BRIX1: variants seen among roughly 807,000 people sequenced by gnomAD.
BRIX1 encodes the protein biogenesis of ribosomes BRX1, also known as ribosome biogenesis protein BRX1 homolog.
Under a neutral mutation model 44.0 loss-of-function variants are expected in BRIX1, and 15 were observed. The observed-to-expected ratio is 0.34, with a 90% CI of 0.23 to 0.53. BRIX1 has a LOEUF of 0.53. Ranked by LOEUF, BRIX1 falls within the 20% of genes least tolerant of loss-of-function variation. The pLI, the probability that BRIX1 is intolerant of heterozygous loss-of-function variation, is 0.95. For synonymous variants in BRIX1, 149 were observed against 135.4 expected (o/e 1.10, Z -0.70); for missense variants, 420 against 432.8 (o/e 0.97, Z 0.26).
intron 3 of BRIX1, chr5:34,921,424 A>T (rs1232379999): frequency 1.3e-5 from 2 of 152,250 alleles, no homozygotes; most frequent in Non-Finnish European, 2.9e-5. Flanking sequence ...AGAATCAAAA[A>T]GCTAAAAAGT....
chr5:34,923,059 T>C lies in BRIX1; in HGVS notation c.561+8T>C. The C allele has an allele frequency of 6.4e-7, 1 of 1,558,912 alleles. No homozygotes were observed. On this transcript the variant is annotated splice_region_variant and intron_variant, in intron 7 of 9. Coordinates refer to ENST00000336767, the MANE Select transcript of BRIX1 (RefSeq NM_018321.4). ...AAAGAACTCTTAATTCAGGTAAATA[T>C]CTTTAAAATTAGCTATCCAAAATAT...
intron 8 of BRIX1, 83 bp from the exon 9 acceptor site, chr5:34,924,764 A>G (rs544911465): frequency 2.5e-6 from 2 of 805,986 alleles, no homozygotes; most frequent in African/African-American, 1.7e-5. Context: ...TATTTCAGGC[A>G]CATTTATAAT....
At position 34,924,836 on chromosome 5, in the gene BRIX1, T is replaced by A. The variant is rs750308462; in HGVS notation, c.664-11T>A. Reference sequence around the variant, plus strand: ...ACCAAACCAAAATGAAATGTTTCCTTTTTATTAAAGATCATAGAAGAAGAT... The same window carrying A: ...ACCAAACCAAAATGAAATGTTTCCTATTTATTAAAGATCATAGAAGAAGAT... On this transcript the variant is annotated splice_polypyrimidine_tract_variant and intron_variant, in intron 8 of 9. Coordinates refer to ENST00000336767, the MANE Select transcript of BRIX1 (RefSeq NM_018321.4). 2 of 1,587,158 alleles carry A rather than the reference T, an allele frequency of 1.3e-6. No individual in the cohort carries two copies. The highest frequency in any genetic ancestry group is 1.7e-5 in the Admixed American group (1 of 59,480).
intron 2 of BRIX1, among the ~76,000 whole-genome samples, chr5:34,919,576 A>C (rs1764196572): frequency 1.3e-5 from 2 of 152,140 alleles, no homozygotes; most frequent in African/African-American, 4.8e-5. Context: ...GGATTCCTAG[A>C]ATACCTAAAT....
At position 34,915,837 on chromosome 5, in the gene BRIX1, C is replaced by T; in HGVS notation, c.99C>T (p.His33=). 1 of 1,570,566 alleles carries T rather than the reference C, an allele frequency of 6.4e-7. No homozygotes were observed. The highest frequency in any genetic ancestry group is 8.6e-7 in the Non-Finnish European group (1 of 1,157,656). The part of the protein sequence containing the change: ...EIDAEPPAKR[H]ATAEEVEEEE... ...ATGCGGAGCCGCCAGCTAAGCGGCACGCCACAGCAGAGGAGGTGGAGGAAG... is the reference window on the plus strand; with the variant it reads ...ATGCGGAGCCGCCAGCTAAGCGGCATGCCACAGCAGAGGAGGTGGAGGAAG... Residue 33 remains histidine (H), a synonymous_variant, in exon 1 of 10, where the codon CAC becomes CAT. Transcript: ENST00000336767.
intron 6 of BRIX1, 102 bp from the exon 7 acceptor site, chr5:34,922,899 A>G: frequency 8.2e-7 from 1 of 1,214,222 alleles, no homozygotes; most frequent in Non-Finnish European, 1.2e-6. Context: ...TCTTTCAGGT[A>G]CATTTATAAT....
chr5:34,925,229 C>A lies in BRIX1; in HGVS notation c.796C>A (p.Arg266=). 2.0e-6 allele frequency: 3 copies of A among 1,511,198 alleles called. No individual in the cohort carries two copies. The highest frequency in any genetic ancestry group is 1.8e-6 in the Non-Finnish European group (2 of 1,131,956). 93.6% of individuals were successfully genotyped at this position (1,511,198 alleles called of 1,614,324 possible). Residue 266 remains arginine, a synonymous_variant, in exon 10 of 10, where the codon CGG becomes AGG. Coordinates refer to ENST00000336767, the MANE Select transcript of BRIX1 (RefSeq NM_018321.4). ...AATCTTTTTTTTTTTTTTTTAGCATCGGCGTGTCATAAGATCCATCACAGC... is the reference window on the plus strand; with the variant it reads ...AATCTTTTTTTTTTTTTTTTAGCATAGGCGTGTCATAAGATCCATCACAGC... ...NPHYQSPNMH[R]RVIRSITAAK...
At chr5:34,922,121 AT>A in intron 3 of BRIX1, 95 bp from the exon 4 acceptor site, 1 of 647,050 alleles carries the variant, frequency 1.5e-6, no homozygotes, top group Non-Finnish European at 2.6e-6. Context: ...CTGGTTAGGT[AT>A]TTTTGAGATA....
intron 1 of BRIX1, chr5:34,916,712 A>AACT (rs1764105370): frequency 6.6e-6 from 1 of 152,166 alleles, no homozygotes; most frequent in Non-Finnish European, 1.5e-5. Context: ...TTAGCATAGT[A>AACT]CTCTAGCGCG....
intron 2 of BRIX1, among the ~76,000 whole-genome samples, chr5:34,919,162 G>A (rs1340689979): frequency 2.0e-5 from 3 of 149,656 alleles, no homozygotes; most frequent in Non-Finnish European, 4.4e-5. Flanking sequence ...TGCAGTCCCA[G>A]CTACTCAGGA....
At chr5:34,922,109 G>A (rs1561172695) in intron 3 of BRIX1, 108 bp from the exon 4 acceptor site, 1 of 589,630 alleles carries the variant, frequency 1.7e-6, no homozygotes. Flanking sequence ...TAGCCTATTA[G>A]CCTGGTTAGG....
rs1384354550 is a variant in BRIX1, at chr5:34,924,954, T to A, written c.771T>A (p.Pro257=). The stretch of plus-strand genomic sequence containing the variant: ...GAGGACCAACTTTATATGAAAATCC[T>A]CACTACCAGTCACCAAACATGGTAA... ...SFGGPTLYEN[P]HYQSPNMHRR... is the part of the protein sequence containing the mutation. The change falls in exon 9 of 10, where the codon CCT becomes CCA. Residue 257 remains proline (P), a synonymous_variant. Transcript: ENST00000336767. The A allele has an allele frequency of 6.2e-7, 1 of 1,613,372 alleles. No homozygotes were observed. Among genetic ancestry groups the A allele is most frequent in the Non-Finnish European group, 8.5e-7 (1 of 1,179,754 alleles).
chr5:34,923,892 G>A (rs187170011), intron 8 of BRIX1, among the ~76,000 whole-genome samples: 4 of 152,186 alleles, frequency 2.6e-5, no homozygotes, highest in African/African-American at 9.6e-5. Context: ...TACAGAGTAT[G>A]GATTTCCTAA....
intron 1 of BRIX1, among the ~76,000 whole-genome samples, chr5:34,917,413 C>A (rs1465484287): frequency 1.3e-5 from 2 of 151,912 alleles, no homozygotes. Context: ...GCGGGTGGAT[C>A]ACTAGGTCAG....
chr5:34,923,739 C>T (rs935575542), intron 8 of BRIX1, among the ~76,000 whole-genome samples: 3 of 152,288 alleles, frequency 2.0e-5, no homozygotes, highest in Non-Finnish European at 2.9e-5. Flanking sequence ...TAAGGATATA[C>T]AGGGTTTGCA....
At chr5:34,918,339 C>G (rs761166212) in intron 1 of BRIX1, 25 bp from the exon 2 acceptor site, 3 of 1,212,046 alleles carry the variant, frequency 2.5e-6, no homozygotes, top group African/African-American at 3.0e-5. Flanking sequence ...ATTTTAAAAT[C>G]TTTTAACATT....
At chr5:34,922,900 C>T in intron 6 of BRIX1, 101 bp from the exon 7 acceptor site, 1 of 1,215,682 alleles carries the variant, frequency 8.2e-7, no homozygotes, top group Non-Finnish European at 1.2e-6. Flanking sequence ...CTTTCAGGTA[C>T]ATTTATAATG....
In BRIX1 at chr5:34,925,646, T is replaced by A. The variant is rs1306870131; in HGVS notation, c.*151T>A. 1 of 627,896 alleles carries A rather than the reference T, an allele frequency of 1.6e-6. No individual in the cohort carries two copies. The highest frequency in any genetic ancestry group is 1.9e-5 in the African/African-American group (1 of 53,356). The allele number at this position is 627,896 out of a possible 1,614,324, so 38.9% of individuals were successfully genotyped here. ...AAGATCTTAAAATCAGTGATTATCTTTTTCTAAATAAAATATCACCAGAAT... is the reference window on the plus strand; with the variant it reads ...AAGATCTTAAAATCAGTGATTATCTATTTCTAAATAAAATATCACCAGAAT... On this transcript the variant is annotated 3_prime_UTR_variant, in exon 10 of 10. Coordinates refer to ENST00000336767, the MANE Select transcript of BRIX1 (RefSeq NM_018321.4).
chr5:34,918,296 C>A, intron 1 of BRIX1, 68 bp from the exon 2 acceptor site: 3 of 823,714 alleles, frequency 3.6e-6, no homozygotes, highest in South Asian at 1.7e-5. Context: ...CAGTGTGAGA[C>A]CCTGTCACAA....
Sources: gnomAD v4.1 joint callset for allele counts (sites outside exome capture counted in the v4.1 genomes callset) on GRCh38, gnomAD v4.1.1 for gene constraint, MANE v1.5 for transcripts, NCBI Gene and HGNC (gene_info 2026-07-23, HGNC 2026-07-21) for gene names.